The following CYFIP2 variants were observed in gnomAD, a reference collection of about 807,000 sequenced individuals.
The protein encoded by CYFIP2 is cytoplasmic FMR1 interacting protein 2, also known as cytoplasmic FMR1-interacting protein 2.
Under a neutral mutation model 158.7 loss-of-function variants are expected in CYFIP2, and 29 were observed. That is an observed-to-expected ratio of 0.18 (90% CI 0.14 to 0.25). CYFIP2 has a LOEUF of 0.25. Among genes scored for constraint, CYFIP2 ranks in the 10% least tolerant of loss-of-function variants. CYFIP2 has a pLI of 1.00. For missense variants in CYFIP2, 852 were observed against 1,639.5 expected, an observed-to-expected ratio of 0.52 and a Z score of 8.29; for synonymous variants, 585 against 617.6, an observed-to-expected ratio of 0.95 and a Z score of 0.78.
Position 157,296,747 on chromosome 5 carries a change from C to T in CYFIP2, c.360C>T (p.Thr120=), listed in dbSNP as rs756878301. ...KTVEVLEPEV[T]KLMKFMYFQR... is the part of the protein sequence containing the mutation. Reference sequence around the variant, plus strand: ...TAGAGGTGCTGGAGCCGGAGGTCACCAAGCTCATGAAGTTCATGTATTTTC... The same window carrying T: ...TAGAGGTGCTGGAGCCGGAGGTCACTAAGCTCATGAAGTTCATGTATTTTC... The change falls in exon 5 of 31, where the codon ACC becomes ACT. Residue 120 remains threonine (T), a synonymous_variant. Coordinates refer to ENST00000620254, the MANE Select transcript of CYFIP2 (RefSeq NM_001037333.3). 8 of 1,613,590 alleles carry T rather than the reference C, an allele frequency of 5.0e-6. No individual in the cohort carries two copies. The Admixed American group carries it at 6.7e-5, about 13-fold the overall frequency.
In CYFIP2 at chr5:157,298,641, C is replaced by T. The variant is rs570670203; in HGVS notation, c.387+1867C>T. 9.9e-4 allele frequency among the ~76,000 whole-genome samples: 151 copies of T among 152,116 alleles called. 1 individual carries two copies. The highest frequency in any genetic ancestry group is 3.3e-3 in the African/African-American group (139 of 41,502). On this transcript the variant is annotated intron_variant, in intron 5 of 30. Coordinates refer to ENST00000620254, the MANE Select transcript of CYFIP2 (RefSeq NM_001037333.3). ...GATTACAGACATGAGCCACCACACC[C>T]GGCCCACAATCAATTTTAGAACATC...
chr5:157,292,495 A>G lies in CYFIP2; in HGVS notation c.208-2288A>G, dbSNP rs112434188. 7.9e-3 allele frequency among the ~76,000 whole-genome samples: 1,203 copies of G among 152,330 alleles called. 19 individuals are homozygous for G. Among genetic ancestry groups the G allele is most frequent in the African/African-American group, 0.028 (1,176 of 41,582 alleles). On this transcript the variant is annotated intron_variant, in intron 3 of 30. Transcript: ENST00000620254. ...CGGCCTCCCAAAGTGCTGGGATTAC[A>G]GACGTGAGCCACCGCGCCTGGCCAG...
intron 1 of CYFIP2, among the ~76,000 whole-genome samples, chr5:157,281,661 C>T (rs1268067957): frequency 6.6e-6 from 1 of 152,112 alleles, no homozygotes; most frequent in Non-Finnish European, 1.5e-5. Context: ...TATATACATT[C>T]ATTTGTTTCA....
chr5:157,296,658 C>T lies in CYFIP2; in HGVS notation c.286-15C>T, dbSNP rs1424021771. On this transcript the variant is annotated splice_polypyrimidine_tract_variant and intron_variant, in intron 4 of 30. Transcript: ENST00000620254. ...GTGTAAACCAGGATGTGTGTGTCCC[C>T]ATTATCCCCCACAGGTGAAATGCAA... The T allele has an allele frequency of 1.9e-6, 3 of 1,608,434 alleles. No individual in the cohort carries two copies. The highest frequency in any genetic ancestry group is 1.7e-5 in the Admixed American group (1 of 59,930).
At position 157,325,697 on chromosome 5, in the gene CYFIP2, C is replaced by T. The variant is rs1037126165; in HGVS notation, c.1982+59C>T. On this transcript the variant is annotated intron_variant, in intron 17 of 30. Coordinates refer to ENST00000620254, the MANE Select transcript of CYFIP2 (RefSeq NM_001037333.3). ...TGGGGTACAAGTAGAGGGCAGTTTG[C>T]CAGGGAGATCCGTTCTTTCCAGAAG... 4.0e-6 allele frequency: 6 copies of T among 1,491,882 alleles called. No homozygotes were observed. The Admixed American group carries it at 8.7e-5, about 22-fold the overall frequency. 92.4% of individuals were successfully genotyped at this position (1,491,882 alleles called of 1,614,324 possible).
chr5:157,312,728 C>G (rs1173635138), intron 11 of CYFIP2, among the ~76,000 whole-genome samples: 1 of 152,232 alleles, frequency 6.6e-6, no homozygotes, highest in Non-Finnish European at 1.5e-5. Flanking sequence ...GGCCATTAGA[C>G]CATGACTTGT....
In CYFIP2 at chr5:157,328,113, T is replaced by G. The variant is rs573645388; in HGVS notation, c.2156+64T>G. The G allele has an allele frequency of 1.3e-5, 19 of 1,504,004 alleles. No individual in the cohort carries two copies. In the East Asian group the frequency reaches 4.1e-4, roughly 33 times the overall value. The allele number at this position is 1,504,004 out of a possible 1,614,324, so 93.2% of individuals were successfully genotyped here. A position where few individuals can be genotyped will look rare whatever the true frequency, so the allele number is the denominator to read the frequency against. On this transcript the variant is annotated intron_variant, in intron 19 of 30. Coordinates refer to ENST00000620254, the MANE Select transcript of CYFIP2 (RefSeq NM_001037333.3). The stretch of plus-strand genomic sequence containing the variant: ...GACTGCCACCTAGAAGACATGATTT[T>G]CTGTTGTGAAACCTCCCTTCTTCTT...
chr5:157,347,597 A>G (rs12233996), intron 23 of CYFIP2, among the ~76,000 whole-genome samples: 71,381 of 152,108 alleles, frequency 0.47, 18,509 homozygotes, highest in African/African-American at 0.71. Context: ...AGCTGTTTGC[A>G]GATGCCCTTT....
chr5:157,323,017 G>A, intron 15 of CYFIP2: 1 of 1,535,978 alleles, frequency 6.5e-7, no homozygotes, highest in Non-Finnish European at 8.7e-7. Flanking sequence ...CCGATCCCTG[G>A]TATCACACCG....
intron 26 of CYFIP2, among the ~76,000 whole-genome samples, chr5:157,362,420 C>G (rs1023891390): frequency 3.3e-5 from 5 of 152,202 alleles, no homozygotes; most frequent in African/African-American, 1.2e-4. Context: ...TCAAACATCC[C>G]ATGATTCTAG....
chr5:157,327,426 A>G (rs1761110871), intron 18 of CYFIP2, among the ~76,000 whole-genome samples: 1 of 152,022 alleles, frequency 6.6e-6, no homozygotes, highest in Non-Finnish European at 1.5e-5. Context: ...TTAGCCAGGC[A>G]TGGTGGTGGG....
At chr5:157,371,098 A>C (rs1764954138) in intron 26 of CYFIP2, among the ~76,000 whole-genome samples, 1 of 152,210 alleles carries the variant, frequency 6.6e-6, no homozygotes. Flanking sequence ...TGTGGCTTGT[A>C]CATTCTGTGC....
At chr5:157,382,787 T>C in intron 27 of CYFIP2, 125 bp downstream of exon 27, 1 of 957,658 alleles carries the variant, frequency 1.0e-6, no homozygotes, top group Non-Finnish European at 1.6e-6. Flanking sequence ...ACCTATTGAA[T>C]AGCCACAGAA....
intron 21 of CYFIP2, among the ~76,000 whole-genome samples, chr5:157,335,561 C>T (rs929282309): frequency 2.0e-5 from 3 of 152,104 alleles, no homozygotes; most frequent in Admixed American, 1.3e-4. Context: ...ACATAGTTAG[C>T]ACTTAATAAA....
chr5:157,342,596 T>G (rs749284826), intron 23 of CYFIP2: 3 of 391,742 alleles, frequency 7.7e-6, no homozygotes, highest in Non-Finnish European at 1.4e-5. Flanking sequence ...TTTGTTTTAA[T>G]GTTAAAACAA....
chr5:157,361,229 G>A lies in CYFIP2; in HGVS notation c.2909-239G>A, dbSNP rs1394785008. Among the ~76,000 whole-genome samples, 1 of 152,128 alleles carries A rather than the reference G, an allele frequency of 6.6e-6. No individual in the cohort carries two copies. Among genetic ancestry groups the A allele is most frequent in the Non-Finnish European group, 1.5e-5 (1 of 68,028 alleles). ...GCCTCATTTGTGTGCCTGTGTTTGTGTGTGTGTGCATGTGTGTGCGTGTGT... is the reference window on the plus strand; with the variant it reads ...GCCTCATTTGTGTGCCTGTGTTTGTATGTGTGTGCATGTGTGTGCGTGTGT... On this transcript the variant is annotated intron_variant, in intron 25 of 30. Transcript: ENST00000620254. The surrounding 1 kb of genome is among the most constrained non-coding windows in gnomAD (Gnocchi z 4.4).
intron 26 of CYFIP2, among the ~76,000 whole-genome samples, chr5:157,369,658 T>G (rs571170263): frequency 1.2e-3 from 184 of 152,300 alleles, no homozygotes; most frequent in African/African-American, 4.3e-3. Context: ...TCTGTATCAA[T>G]GACTTTTCTG....
intron 1 of CYFIP2, among the ~76,000 whole-genome samples, chr5:157,284,552 A>G (rs1042273850): frequency 3.5e-4 from 54 of 152,132 alleles, no homozygotes; most frequent in African/African-American, 1.2e-3. Context: ...GTTTGGGGGG[A>G]AAAATGAGTA....
intron 23 of CYFIP2, among the ~76,000 whole-genome samples, chr5:157,347,427 C>T (rs1762775966): frequency 6.6e-6 from 1 of 152,072 alleles, no homozygotes; most frequent in Non-Finnish European, 1.5e-5. Flanking sequence ...CAGAAAGTTG[C>T]TCTGCAGCTT....
Sources: gnomAD v4.1 joint callset for allele counts (sites outside exome capture counted in the v4.1 genomes callset) on GRCh38, gnomAD v4.1.1 for gene constraint, Gnocchi (gnomAD v3.1) non-coding constraint, MANE v1.5 for transcripts, NCBI Gene and HGNC (gene_info 2026-07-23, HGNC 2026-07-21) for gene names.